THSD7A: variants seen among roughly 807,000 people sequenced by gnomAD.
THSD7A encodes the protein thrombospondin type-1 domain-containing protein 7A.
Under a neutral mutation model 231.3 loss-of-function variants are expected in THSD7A, and 96 were observed. The ratio of observed to expected loss-of-function variants is 0.41; its 90% CI spans 0.35 to 0.49. THSD7A has a LOEUF of 0.49. THSD7A is among the 20% of genes least tolerant of loss of function. The pLI is 0.05. For synonymous variants in THSD7A, 940 were observed against 743.3 expected, an observed-to-expected ratio of 1.26 and a Z score of -4.30; for missense variants, 2,290 against 2,070.2, an observed-to-expected ratio of 1.11 and a Z score of -2.06.
At chr7:11,608,365 C>A (rs2107478) in intron 2 of THSD7A, among the ~76,000 whole-genome samples, 42,294 of 151,886 alleles carry the variant, frequency 0.28, 6,103 homozygotes, top group South Asian at 0.33. Context: ...TACCAAGTAC[C>A]AATTTAAAAA....
At chr7:11,563,797 T>C (rs1790180365) in intron 4 of THSD7A, among the ~76,000 whole-genome samples, 1 of 152,232 alleles carries the variant, frequency 6.6e-6, no homozygotes, top group Non-Finnish European at 1.5e-5. Flanking sequence ...TCAACTACTC[T>C]GTGCAGTTCA....
In THSD7A at chr7:11,590,729, T is replaced by C. The variant is rs1377764734; in HGVS notation, c.1272-88A>G. 3 of 1,403,292 alleles carry C rather than the reference T, an allele frequency of 2.1e-6. No homozygotes were observed. Among genetic ancestry groups the C allele is most frequent in the Admixed American group, 2.7e-5 (1 of 36,636 alleles). 86.9% of individuals were successfully genotyped at this position (1,403,292 alleles called of 1,614,324 possible). A position where few individuals can be genotyped will look rare whatever the true frequency, so the allele number is the denominator to read the frequency against. ...TGTCATACTTTGTTTTAACGAAAAT[T>C]AGTCTCAAAATCATTTTCCTAGAGA... On this transcript the variant is annotated intron_variant, in intron 3 of 27. Transcript: ENST00000423059. This position sits in a 1 kb window ranked among gnomAD's most constrained non-coding sequence, Gnocchi z 4.4.
At chr7:11,815,590 T>C (rs1038124232) in intron 1 of THSD7A, among the ~76,000 whole-genome samples, 3 of 152,198 alleles carry the variant, frequency 2.0e-5, no homozygotes, top group Non-Finnish European at 4.4e-5. Context: ...TTGAAGTTAC[T>C]GCATTTAATT....
intron 2 of THSD7A, among the ~76,000 whole-genome samples, chr7:11,614,979 A>G (rs1159210794): frequency 1.3e-5 from 2 of 152,220 alleles, no homozygotes; most frequent in Non-Finnish European, 2.9e-5. Context: ...ATTGGAACCA[A>G]TGTTTTATAA....
intron 13 of THSD7A, among the ~76,000 whole-genome samples, chr7:11,433,484 T>G (rs1037638262): frequency 2.6e-5 from 4 of 152,076 alleles, no homozygotes; most frequent in African/African-American, 9.7e-5. Context: ...CATTTAATAA[T>G]ATTTGTAAGA....
intron 6 of THSD7A, among the ~76,000 whole-genome samples, chr7:11,500,288 A>C (rs571022197): frequency 3.3e-5 from 5 of 152,248 alleles, no homozygotes; most frequent in African/African-American, 1.2e-4. Context: ...GAGGGACTTC[A>C]TTACCACACA....
At chr7:11,674,157 C>T (rs1299995799) in intron 1 of THSD7A, among the ~76,000 whole-genome samples, 2 of 151,974 alleles carry the variant, frequency 1.3e-5, no homozygotes, top group African/African-American at 4.8e-5. Flanking sequence ...CCCACTAAAT[C>T]CCCCCTTGGG....
intron 1 of THSD7A, among the ~76,000 whole-genome samples, chr7:11,770,842 T>C (rs1408907785): frequency 6.6e-6 from 1 of 152,104 alleles, no homozygotes; most frequent in African/African-American, 2.4e-5. Flanking sequence ...GAAGTATTTA[T>C]GGTAAGTAAA....
chr7:11,791,141 A>G (rs1783940713), intron 1 of THSD7A, among the ~76,000 whole-genome samples: 1 of 152,022 alleles, frequency 6.6e-6, no homozygotes. Context: ...GACATTTGAC[A>G]ACTTTAATAA....
At chr7:11,566,457 T>C (rs1415148651) in intron 4 of THSD7A, among the ~76,000 whole-genome samples, 2 of 152,216 alleles carry the variant, frequency 1.3e-5, no homozygotes, top group Non-Finnish European at 1.5e-5. Flanking sequence ...TCTGATGCAG[T>C]AATGTTTAGA....
At chr7:11,633,969 G>C (rs1781745274) in intron 2 of THSD7A, among the ~76,000 whole-genome samples, 1 of 152,098 alleles carries the variant, frequency 6.6e-6, no homozygotes, top group South Asian at 2.1e-4. Context: ...CTAAGTTCTT[G>C]ATTTGTGGCC....
chr7:11,595,461 GGTT>G (rs1780327474), intron 2 of THSD7A, among the ~76,000 whole-genome samples: 1 of 152,090 alleles, frequency 6.6e-6, no homozygotes, highest in Non-Finnish European at 1.5e-5. Flanking sequence ...GTTAAAAAAA[GGTT>G]CTAATGGTTT....
chr7:11,391,352 G>A (rs1042727897), intron 23 of THSD7A, among the ~76,000 whole-genome samples: 2 of 152,226 alleles, frequency 1.3e-5, no homozygotes, highest in Admixed American at 6.5e-5. Flanking sequence ...CTGAGCTGTT[G>A]TGGGCTCTGC....
In THSD7A at chr7:11,411,394, C is replaced by A. The variant is rs974364282; in HGVS notation, c.3683-72G>T. On this transcript the variant is annotated intron_variant, in intron 18 of 27. Transcript: ENST00000423059. The surrounding 1 kb of genome is among the most constrained non-coding windows in gnomAD (Gnocchi z 4.1). ...AGATTTCAAATGAAACTCTGATGAC[C>A]TGAATCCCATATTTAATTCACAACT... 1.2e-5 allele frequency: 12 copies of A among 1,008,708 alleles called. No homozygotes were observed. Among genetic ancestry groups the A allele is most frequent in the Non-Finnish European group, 1.5e-5 (10 of 662,864 alleles). The allele number at this position is 1,008,708 out of a possible 1,614,324, so 62.5% of individuals were successfully genotyped here.
At chr7:11,481,667 T>C (rs1056069843) in intron 7 of THSD7A, 121 bp downstream of exon 7, 17 of 1,071,254 alleles carry the variant, frequency 1.6e-5, no homozygotes, top group Middle Eastern at 3.0e-4. Context: ...ATATTAAATC[T>C]TGGATGGCTG....
intron 1 of THSD7A, among the ~76,000 whole-genome samples, chr7:11,748,231 G>A (rs1292949692): frequency 6.6e-6 from 1 of 151,934 alleles, no homozygotes; most frequent in East Asian, 1.9e-4. Context: ...AGGCAAAAAT[G>A]ATGGAGTTAC....
intron 1 of THSD7A, among the ~76,000 whole-genome samples, chr7:11,653,497 T>TGTGTGTGTGTGTG (rs1562445896): frequency 2.1e-5 from 3 of 144,344 alleles, no homozygotes; most frequent in African/African-American, 2.6e-5. Flanking sequence ...TGTGTGTGTG[T>TGTGTGTGTGTGTG]TTTCCCCAGA....
intron 1 of THSD7A, among the ~76,000 whole-genome samples, chr7:11,667,671 C>T (rs905403445): frequency 2.0e-5 from 3 of 151,896 alleles, no homozygotes; most frequent in Admixed American, 6.6e-5. Context: ...GTTAAAATGC[C>T]GATACATGTT....
At position 11,647,908 on chromosome 7, in the gene THSD7A, G is replaced by C. The variant is rs551354870; in HGVS notation, c.191-10947C>G. On this transcript the variant is annotated intron_variant, in intron 1 of 27. Coordinates refer to ENST00000423059, the MANE Select transcript of THSD7A (RefSeq NM_015204.3). ...CCATCCCTGATACAATGGCCAATCT[G>C]AAGCAAGAGGTTAGCTGATATCCAC... Among the ~76,000 whole-genome samples, 4 of 152,142 alleles carry C rather than the reference G, an allele frequency of 2.6e-5. No individual in the cohort carries two copies. The South Asian group carries it at 8.3e-4, about 32-fold the overall frequency.
Sources: gnomAD v4.1 joint callset for allele counts (sites outside exome capture counted in the v4.1 genomes callset) on GRCh38, gnomAD v4.1.1 for gene constraint, Gnocchi (gnomAD v3.1) non-coding constraint, MANE v1.5 for transcripts, NCBI Gene and HGNC (gene_info 2026-07-23, HGNC 2026-07-21) for gene names.